Variants in BRAF observed in about 807,000 individuals in gnomAD.
BRAF encodes the protein B-Raf proto-oncogene, serine/threonine kinase, also known as serine/threonine-protein kinase B-raf.
In BRAF, 16 loss-of-function variants were observed where a neutral mutation model predicts 104.6. The observed-to-expected ratio is 0.15, with a 90% CI of 0.10 to 0.23. The LOEUF (loss-of-function observed/expected upper bound fraction) is 0.23, where lower values mean the gene tolerates loss of function less well. Among genes scored for constraint, BRAF ranks in the 10% least tolerant of loss-of-function variants. The probability of loss-of-function intolerance (pLI) is 1.00; values close to 1 mark genes in which losing one functional copy is unlikely to be tolerated. For synonymous variants in BRAF, 310 were observed against 341.6 expected, an observed-to-expected ratio of 0.91 and a Z score of 1.02; for missense variants, 541 against 937.3, an observed-to-expected ratio of 0.58 and a Z score of 5.52.
At chr7:140,755,000 TA>T (rs1367640940) in intron 14 of BRAF, among the ~76,000 whole-genome samples, 2 of 152,162 alleles carry the variant, frequency 1.3e-5, no homozygotes, top group Non-Finnish European at 2.9e-5. Flanking sequence ...TTCATTGAAG[TA>T]AAAGGCAGCA....
intron 1 of BRAF, among the ~76,000 whole-genome samples, chr7:140,918,377 T>C (rs1817844129): frequency 6.6e-6 from 1 of 152,140 alleles, no homozygotes; most frequent in Non-Finnish European, 1.5e-5. Context: ...ACATGCACAG[T>C]TTCTGATAGG....
At chr7:140,862,630 T>C (rs978221000) in intron 1 of BRAF, among the ~76,000 whole-genome samples, 3 of 152,200 alleles carry the variant, frequency 2.0e-5, no homozygotes, top group African/African-American at 7.2e-5. Flanking sequence ...CTAGAATTAA[T>C]TTGGCATCAG....
At chr7:140,782,923 C>T (rs887629702) in intron 11 of BRAF, 98 bp downstream of exon 10, 271 of 1,375,384 alleles carry the variant, frequency 2.0e-4, no homozygotes, top group Non-Finnish European at 2.4e-4. Flanking sequence ...AATTCTGTGT[C>T]ACATATGGAC....
chr7:140,788,876 G>A lies in BRAF; in HGVS notation c.1141-1292C>T, dbSNP rs575365091. Among the ~76,000 whole-genome samples, 499 of 151,702 alleles carry A rather than the reference G, an allele frequency of 3.3e-3. 3 individuals are homozygous for A. Among genetic ancestry groups the A allele is most frequent in the African/African-American group, 0.012 (477 of 41,426 alleles). The stretch of plus-strand genomic sequence containing the variant: ...AGTGCTGGGATTACATGCATAAGCC[G>A]CCGCAACCGGCCACTAAAATTTGTC... On this transcript the variant is annotated intron_variant, in intron 8 of 19. Transcript: ENST00000644969.
At chr7:140,864,257 T>C (rs1007732483) in intron 1 of BRAF, among the ~76,000 whole-genome samples, 1 of 152,112 alleles carries the variant, frequency 6.6e-6, no homozygotes, top group Non-Finnish European at 1.5e-5. Flanking sequence ...AGATGATTGC[T>C]TGGACCAAGG....
chr7:140,804,444 A>C (rs190176199), intron 5 of BRAF, among the ~76,000 whole-genome samples: 4 of 151,740 alleles, frequency 2.6e-5, no homozygotes, highest in African/African-American at 9.7e-5. Context: ...CATGATTGTA[A>C]TTATACAATT....
At chr7:140,913,111 G>A (rs915972619) in intron 1 of BRAF, among the ~76,000 whole-genome samples, 1 of 152,012 alleles carries the variant, frequency 6.6e-6, no homozygotes, top group Non-Finnish European at 1.5e-5. Context: ...GGCCTACCCT[G>A]ACCTCCCTAT....
intron 19 of BRAF, among the ~76,000 whole-genome samples, chr7:140,729,045 G>C (rs6949396): frequency 0.11 from 15,187 of 143,914 alleles, 851 homozygotes; most frequent in South Asian, 0.19. Context: ...GGGCAACATA[G>C]TGAGACGCTG....
intron 1 of BRAF, among the ~76,000 whole-genome samples, chr7:140,918,597 A>G (rs1817871895): frequency 6.6e-6 from 1 of 152,192 alleles, no homozygotes; most frequent in Admixed American, 6.5e-5. Flanking sequence ...TGAAACCCCA[A>G]AACAGTGTTT....
intron 1 of BRAF, among the ~76,000 whole-genome samples, chr7:140,919,565 A>G (rs934755950): frequency 6.6e-6 from 1 of 152,152 alleles, no homozygotes. Context: ...TGTATTAAAG[A>G]GTATCTTCTG....
intron 1 of BRAF, among the ~76,000 whole-genome samples, chr7:140,916,322 ATATGACCAAC>A (rs1196289993): frequency 2.0e-5 from 3 of 152,254 alleles, no homozygotes; most frequent in African/African-American, 7.2e-5. Flanking sequence ...AAAGGTAGAA[ATATGACCAAC>A]TACTACCATA....
intron 7 of BRAF, among the ~76,000 whole-genome samples, chr7:140,797,865 G>C (rs889174628): frequency 6.6e-6 from 1 of 152,056 alleles, no homozygotes; most frequent in African/African-American, 2.4e-5. Context: ...ATAACATTTT[G>C]ATTTGACCAT....
rs562057923 is a variant in BRAF at position 140,838,463 on chromosome 7, C to T, written c.241-3591G>A. On this transcript the variant is annotated intron_variant, in intron 2 of 19. Transcript: ENST00000644969. ...ACGCCACTGCACTCCAGCCTGGCAA[C>T]GAGAGCAAGACTCCATCTCAAAAAA... Among the ~76,000 whole-genome samples, 6 of 152,102 alleles carry T rather than the reference C, an allele frequency of 3.9e-5. No individual in the cohort carries two copies. The East Asian group carries it at 5.8e-4, about 15-fold the overall frequency.
At chr7:140,874,447 G>T (rs948815941) in intron 1 of BRAF, among the ~76,000 whole-genome samples, 1 of 148,444 alleles carries the variant, frequency 6.7e-6, no homozygotes, top group Non-Finnish European at 1.5e-5. Flanking sequence ...TGATCTGCCC[G>T]CCTTGGCCTC....
chr7:140,859,169 A>C (rs1053794450), intron 1 of BRAF, among the ~76,000 whole-genome samples: 2 of 152,244 alleles, frequency 1.3e-5, no homozygotes, highest in East Asian at 3.8e-4. Flanking sequence ...GGTGCACAAA[A>C]GGCTACTAAG....
chr7:140,752,365 C>A (rs556935803), intron 16 of BRAF, among the ~76,000 whole-genome samples: 2 of 152,256 alleles, frequency 1.3e-5, no homozygotes, highest in African/African-American at 4.8e-5. Context: ...TTAACAGCAG[C>A]CAGCTGGATT....
intron 3 of BRAF, among the ~76,000 whole-genome samples, chr7:140,814,873 AAC>A (rs1190359778): frequency 2.7e-5 from 4 of 148,068 alleles, no homozygotes; most frequent in Non-Finnish European, 5.9e-5. Flanking sequence ...TTTTTAAAAA[AAC>A]AGTTGTTCTA....
At chr7:140,888,031 C>T (rs1813771243) in intron 1 of BRAF, among the ~76,000 whole-genome samples, 1 of 152,080 alleles carries the variant, frequency 6.6e-6, no homozygotes, top group African/African-American at 2.4e-5. Context: ...TGCCACCATG[C>T]CTGGCTAATT....
intron 3 of BRAF, among the ~76,000 whole-genome samples, chr7:140,819,564 A>G (rs1427820227): frequency 6.6e-6 from 1 of 152,224 alleles, no homozygotes; most frequent in Non-Finnish European, 1.5e-5. Flanking sequence ...CATAACAGCT[A>G]AAAAGTAGAA....
Sources: gnomAD v4.1 joint callset for allele counts (sites outside exome capture counted in the v4.1 genomes callset) on GRCh38, gnomAD v4.1.1 for gene constraint, MANE v1.5 for transcripts, NCBI Gene and HGNC (gene_info 2026-07-23, HGNC 2026-07-21) for gene names.